RBM27: variants seen among roughly 807,000 people sequenced by gnomAD.
RBM27 encodes the protein RNA-binding protein 27.
RBM27 carries 22 observed loss-of-function variants against 135.3 expected under a neutral mutation model. The observed-to-expected ratio is 0.16, with a 90% CI of 0.12 to 0.23. The LOEUF (loss-of-function observed/expected upper bound fraction) is 0.23, where lower values mean the gene tolerates loss of function less well. Ranked by LOEUF, RBM27 falls within the 10% of genes least tolerant of loss-of-function variation. The pLI, the probability that RBM27 is intolerant of heterozygous loss-of-function variation, is 1.00. For missense variants in RBM27, 1,009 were observed against 1,281.0 expected (o/e 0.79, Z 3.24); for synonymous variants, 481 against 442.4 (o/e 1.09, Z -1.10).
chr5:146,209,432 G>A (rs1755845741), intron 1 of RBM27, among the ~76,000 whole-genome samples: 1 of 152,158 alleles, frequency 6.6e-6, no homozygotes, highest in South Asian at 2.1e-4. Context: ...CTAGGAGATT[G>A]AATATGTTGT....
chr5:146,214,292 A>C (rs1756098615), intron 1 of RBM27, among the ~76,000 whole-genome samples: 1 of 152,168 alleles, frequency 6.6e-6, no homozygotes, highest in South Asian at 2.1e-4. Context: ...TGGATCCCAA[A>C]TTTTACAATC....
At chr5:146,261,985 A>T (rs1758420993) in intron 13 of RBM27, among the ~76,000 whole-genome samples, 179 bp downstream of exon 13, 1 of 152,190 alleles carries the variant, frequency 6.6e-6, no homozygotes, top group African/African-American at 2.4e-5. Context: ...AAAATTTCAG[A>T]TTCTTGAGCC....
intron 1 of RBM27, among the ~76,000 whole-genome samples, chr5:146,208,809 C>A (rs1274104851): frequency 6.6e-6 from 1 of 152,130 alleles, no homozygotes; most frequent in Admixed American, 6.5e-5. Context: ...GCATTTCTAT[C>A]AAAACATGTT....
chr5:146,240,623 G>C (rs1029294833), intron 8 of RBM27, among the ~76,000 whole-genome samples: 1 of 152,002 alleles, frequency 6.6e-6, no homozygotes, highest in East Asian at 1.9e-4. Flanking sequence ...CCCTGTGCCC[G>C]GCCTTTTGCT....
In RBM27 at chr5:146,255,424, C is replaced by T. The variant is rs1179992697; in HGVS notation, c.1594+332C>T. Among the ~76,000 whole-genome samples, 4 of 152,134 alleles carry T rather than the reference C, an allele frequency of 2.6e-5. No homozygotes were observed. The East Asian group carries it at 7.7e-4, about 29-fold the overall frequency. ...TGTATAGAAAGATGAAATTACTGAT[C>T]CCCTGCCCTCAAAGAACTGATCATT... On this transcript the variant is annotated intron_variant, in intron 10 of 20. Transcript: ENST00000265271.
At chr5:146,212,581 T>A (rs1157162453) in intron 1 of RBM27, among the ~76,000 whole-genome samples, 1 of 151,832 alleles carries the variant, frequency 6.6e-6, no homozygotes, top group Non-Finnish European at 1.5e-5. Context: ...CTTGAATTCC[T>A]GAGCTGAAGC....
Position 146,260,782 on chromosome 5 carries a change from C to T in RBM27, c.1777C>T (p.Arg593Ter), listed in dbSNP as rs377645930. Reference protein sequence around the residue: ...NNNQNKPGFLRKNQYTNTKLE... With the variant: ...NNNQNKPGFL ...CAATCAAAATAAACCAGGGTTCTTA[C>T]GAAAGAATCAGTATACAAACACCAA... Residue 593 changes from arginine (R) to a stop codon, truncating the protein, a stop_gained, in exon 12 of 21, where the codon CGA (arginine) becomes TGA (stop). Transcript: ENST00000265271. LOFTEE classifies it high-confidence loss of function. 1 of 1,609,992 alleles carries T rather than the reference C, an allele frequency of 6.2e-7. No individual in the cohort carries two copies. Among genetic ancestry groups the T allele is most frequent in the Non-Finnish European group, 8.5e-7 (1 of 1,178,762 alleles).
intron 8 of RBM27, among the ~76,000 whole-genome samples, chr5:146,239,938 G>C (rs1054174636): frequency 6.6e-6 from 1 of 151,852 alleles, no homozygotes; most frequent in African/African-American, 2.4e-5. Context: ...CACCACACCC[G>C]GCTAATTTTT....
chr5:146,270,223 G>T (rs537313137), intron 17 of RBM27, among the ~76,000 whole-genome samples: 9 of 152,058 alleles, frequency 5.9e-5, no homozygotes, highest in African/African-American at 2.2e-4. Flanking sequence ...ACTTGGTTTA[G>T]TCAGTGGTTC....
At chr5:146,222,208 A>G (rs1422883344) in intron 2 of RBM27, among the ~76,000 whole-genome samples, 1 of 152,238 alleles carries the variant, frequency 6.6e-6, no homozygotes, top group Non-Finnish European at 1.5e-5. Flanking sequence ...TTACTACACA[A>G]ATTAGTAGTG....
intron 2 of RBM27, among the ~76,000 whole-genome samples, chr5:146,220,936 G>A (rs1756436185): frequency 6.6e-6 from 1 of 152,050 alleles, no homozygotes; most frequent in South Asian, 2.1e-4. Context: ...AGAAAGGATT[G>A]GCCAGGCGCG....
intron 1 of RBM27, among the ~76,000 whole-genome samples, chr5:146,209,620 A>C (rs1339708761): frequency 6.6e-6 from 1 of 152,218 alleles, no homozygotes; most frequent in African/African-American, 2.4e-5. Flanking sequence ...TAATCTCTGC[A>C]GTTGCCCAAA....
At chr5:146,270,094 A>T (rs924470016) in intron 17 of RBM27, among the ~76,000 whole-genome samples, 1 of 152,228 alleles carries the variant, frequency 6.6e-6, no homozygotes, top group African/African-American at 2.4e-5. Flanking sequence ...ATCCTTTAAA[A>T]AAAGAAGCCT....
intron 2 of RBM27, 52 bp from the exon 3 acceptor site, chr5:146,223,351 A>G: frequency 1.3e-6 from 2 of 1,535,318 alleles, no homozygotes; most frequent in Non-Finnish European, 1.8e-6. Context: ...ATGTGTTGTC[A>G]AATTTTTGTT....
At chr5:146,249,808 A>C (rs1280877405) in intron 8 of RBM27, among the ~76,000 whole-genome samples, 1 of 150,048 alleles carries the variant, frequency 6.7e-6, no homozygotes, top group African/African-American at 2.5e-5. Flanking sequence ...ATCAACTTTT[A>C]TTTTAAGTTC....
chr5:146,274,720 T>G (rs1759020146), intron 19 of RBM27, among the ~76,000 whole-genome samples: 1 of 152,142 alleles, frequency 6.6e-6, no homozygotes, highest in South Asian at 2.1e-4. Flanking sequence ...GAAAGGTATA[T>G]TTACATTAAA....
intron 19 of RBM27, among the ~76,000 whole-genome samples, chr5:146,272,884 G>A (rs1758931502): frequency 6.6e-6 from 1 of 152,200 alleles, no homozygotes; most frequent in South Asian, 2.1e-4. Context: ...CCTCTGGGTT[G>A]TGAATGGTTC....
At chr5:146,249,130 C>T (rs139740116) in intron 8 of RBM27, among the ~76,000 whole-genome samples, 58 of 152,022 alleles carry the variant, frequency 3.8e-4, no homozygotes, top group African/African-American at 1.2e-3. Context: ...TACAGCTGTG[C>T]GCCACCATGC....
Position 146,229,842 on chromosome 5 carries a change from G to A in RBM27, c.521G>A (p.Arg174Gln), listed in dbSNP as rs1191949477. 1.2e-6 allele frequency: 2 copies of A among 1,613,860 alleles called. No individual in the cohort carries two copies. The highest frequency in any genetic ancestry group is 4.5e-5 in the East Asian group (2 of 44,898). ...RGRSKSRSKS[R>Q]GLSRSRSRSR... ...AGGAGTAAGAGTCGGAGTAAGAGTC[G>A]AGGCCTGAGTCGCAGTAGAAGCCGA... Residue 174 changes from arginine to glutamine, a missense_variant, in exon 5 of 21, where the codon CGA becomes CAA. By Grantham distance (43) the Arg-to-Gln change is conservative (BLOSUM62 1). Around this residue, in one of 6 missense-constraint regions of RBM27, gnomAD observed 268 missense variants for 326.6 expected, o/e 0.82. Coordinates refer to ENST00000265271, the MANE Select transcript of RBM27 (RefSeq NM_018989.2).
Sources: allele counts gnomAD v4.1 joint callset (sites outside exome capture counted in the v4.1 genomes callset), GRCh38; gene constraint gnomAD v4.1.1; regional missense constraint gnomAD v4.1.1; transcripts MANE v1.5; gene names NCBI Gene and HGNC (gene_info 2026-07-23, HGNC 2026-07-21).